ZDHHC2: variants seen among roughly 807,000 people sequenced by gnomAD.
ZDHHC2 encodes palmitoyltransferase ZDHHC2.
ZDHHC2 carries 51 observed loss-of-function variants against 55.6 expected under a neutral mutation model. The ratio of observed to expected loss-of-function variants is 0.92; its 90% CI spans 0.73 to 1.16. The LOEUF (loss-of-function observed/expected upper bound fraction) is 1.16. Among genes scored for constraint, ZDHHC2 ranks in the 50% most tolerant of loss-of-function variants. The pLI, the probability that ZDHHC2 is intolerant of heterozygous loss-of-function variation, is 0.00. For synonymous variants in ZDHHC2, 199 were observed against 152.9 expected, an observed-to-expected ratio of 1.30 and a Z score of -2.22; for missense variants, 491 against 442.4, an observed-to-expected ratio of 1.11 and a Z score of -0.99.
chr8:17,159,370 C>G (rs1032028255), intron 1 of ZDHHC2, among the ~76,000 whole-genome samples: 4 of 152,160 alleles, frequency 2.6e-5, no homozygotes, highest in African/African-American at 9.7e-5. Flanking sequence ...GGAACTGGAT[C>G]AGGTAGCAAA....
chr8:17,199,554 T>C (rs1806573329), intron 6 of ZDHHC2, among the ~76,000 whole-genome samples: 1 of 136,560 alleles, frequency 7.3e-6, no homozygotes, highest in African/African-American at 2.5e-5. Context: ...TCTGTCTTCG[T>C]CTTCGTCTTC....
chr8:17,171,638 G>A (rs1220910158), intron 1 of ZDHHC2, among the ~76,000 whole-genome samples: 1 of 152,018 alleles, frequency 6.6e-6, no homozygotes, highest in African/African-American at 2.4e-5. Flanking sequence ...TTTCTGTCGA[G>A]TAGAGCTGCT....
chr8:17,193,986 C>G (rs1337348070), intron 3 of ZDHHC2, among the ~76,000 whole-genome samples: 1 of 152,134 alleles, frequency 6.6e-6, no homozygotes, highest in Non-Finnish European at 1.5e-5. Context: ...TCTCACTGTT[C>G]CACTCCCACT....
intron 6 of ZDHHC2, among the ~76,000 whole-genome samples, chr8:17,203,808 T>G (rs1233443556): frequency 2.0e-5 from 2 of 100,958 alleles, no homozygotes; most frequent in Non-Finnish European, 4.3e-5. Flanking sequence ...TTCTTTTTTT[T>G]CTTTTTTTTT....
chr8:17,158,417 A>G (rs555024556), intron 1 of ZDHHC2, among the ~76,000 whole-genome samples: 1 of 152,324 alleles, frequency 6.6e-6, no homozygotes, highest in Non-Finnish European at 1.5e-5. Flanking sequence ...CTGTATTATC[A>G]CATTAAGCTA....
chr8:17,177,775 TTTG>T (rs1805222314), intron 1 of ZDHHC2, among the ~76,000 whole-genome samples: 1 of 149,908 alleles, frequency 6.7e-6, no homozygotes, highest in Non-Finnish European at 1.5e-5. Context: ...TGTGTGTGTG[TTTG>T]TGTGTGTGGG....
Position 17,222,587 on chromosome 8 carries a change from C to T in ZDHHC2, c.*2366C>T, listed in dbSNP as rs957451913. 1.3e-5 allele frequency: 2 copies of T among 151,628 alleles called. No individual in the cohort carries two copies. The highest frequency in any genetic ancestry group is 3.0e-5 in the Non-Finnish European group (2 of 67,738). The allele number at this position is 151,628 out of a possible 1,614,324, so 9.4% of individuals were successfully genotyped here. A position where few individuals can be genotyped will look rare whatever the true frequency, so the allele number is the denominator to read the frequency against. ...AAATAGTGTACCAATGCTTCATATA[C>T]GTTAGTTATTTGCTATTATGTAGGG... is the stretch of plus-strand genomic sequence containing the variant. On this transcript the variant is annotated 3_prime_UTR_variant, in exon 13 of 13. Coordinates refer to ENST00000262096, the MANE Select transcript of ZDHHC2 (RefSeq NM_016353.5).
intron 1 of ZDHHC2, among the ~76,000 whole-genome samples, chr8:17,179,179 T>C (rs1053807317): frequency 1.3e-5 from 2 of 152,162 alleles, no homozygotes; most frequent in Non-Finnish European, 2.9e-5. Flanking sequence ...CTCAAACTCC[T>C]GGCCTCAAAA....
intron 12 of ZDHHC2, among the ~76,000 whole-genome samples, chr8:17,217,953 C>G (rs1030714248): frequency 6.6e-6 from 1 of 152,188 alleles, no homozygotes; most frequent in African/African-American, 2.4e-5. Context: ...ATAACTCTCT[C>G]TTTACATAAC....
intron 6 of ZDHHC2, among the ~76,000 whole-genome samples, chr8:17,200,449 G>A (rs995761530): frequency 6.6e-6 from 1 of 152,166 alleles, no homozygotes; most frequent in African/African-American, 2.4e-5. Context: ...CTGGATAACT[G>A]TATACTCCAG....
intron 12 of ZDHHC2, 21 bp downstream of exon 12, chr8:17,217,267 T>C: frequency 6.6e-7 from 1 of 1,525,936 alleles, no homozygotes; most frequent in Non-Finnish European, 8.9e-7. Context: ...TTTCCCTTTA[T>C]TGTTTTATAT....
chr8:17,220,368 C>G lies in ZDHHC2; in HGVS notation c.*147C>G, dbSNP rs1414917688. On this transcript the variant is annotated 3_prime_UTR_variant, in exon 13 of 13. Coordinates refer to ENST00000262096, the MANE Select transcript of ZDHHC2 (RefSeq NM_016353.5). ...AGAATATGAATTGATTAGTTCTCTC[C>G]AAGCCATTGCTTAAAATATAACATG... is the stretch of plus-strand genomic sequence containing the variant. The G allele has an allele frequency of 6.6e-6, 1 of 151,924 alleles. No homozygotes were observed. The highest frequency in any genetic ancestry group is 1.5e-5 in the Non-Finnish European group (1 of 67,918). 9.4% of individuals were successfully genotyped at this position (151,924 alleles called of 1,614,324 possible). A position where few individuals can be genotyped will look rare whatever the true frequency, so the allele number is the denominator to read the frequency against.
intron 3 of ZDHHC2, 56 bp from the exon 4 acceptor site, chr8:17,195,448 C>G: frequency 1.3e-6 from 2 of 1,546,324 alleles, no homozygotes; most frequent in South Asian, 1.2e-5. Context: ...GTAGAGAAGA[C>G]CAATATGTTA....
chr8:17,219,325 T>C (rs1015870400), intron 12 of ZDHHC2, among the ~76,000 whole-genome samples: 3 of 131,560 alleles, frequency 2.3e-5, no homozygotes, highest in African/African-American at 5.9e-5. Flanking sequence ...TGAACTACAA[T>C]AGTAAATGAT....
At chr8:17,160,164 C>A (rs1478187624) in intron 1 of ZDHHC2, among the ~76,000 whole-genome samples, 1 of 152,142 alleles carries the variant, frequency 6.6e-6, no homozygotes, top group Non-Finnish European at 1.5e-5. Context: ...TGAAGTTTCC[C>A]CTTTTAAGTG....
At chr8:17,215,371 T>G in intron 11 of ZDHHC2, 22 bp downstream of exon 11, 1 of 1,542,070 alleles carries the variant, frequency 6.5e-7, no homozygotes, top group Non-Finnish European at 8.8e-7. Flanking sequence ...CTTGTTTGGC[T>G]GTTTTTTGAC....
intron 1 of ZDHHC2, among the ~76,000 whole-genome samples, chr8:17,168,291 C>T (rs1202318540): frequency 3.3e-5 from 5 of 152,306 alleles, no homozygotes; most frequent in African/African-American, 1.2e-4. Context: ...GCTAGGCATA[C>T]ACAGCTCAAC....
At chr8:17,167,304 C>CTTTTTT (rs371848954) in intron 1 of ZDHHC2, among the ~76,000 whole-genome samples, 1 of 108,774 alleles carries the variant, frequency 9.2e-6, no homozygotes, top group African/African-American at 3.5e-5. Context: ...TTTTTTTTAA[C>CTTTTTT]TTTTTTTTTT....
At chr8:17,173,551 C>G (rs552332342) in intron 1 of ZDHHC2, among the ~76,000 whole-genome samples, 1 of 151,746 alleles carries the variant, frequency 6.6e-6, no homozygotes, top group South Asian at 2.1e-4. Context: ...GGCATGGTGG[C>G]ACGCATCTGT....
Sources: allele counts gnomAD v4.1 joint callset (sites outside exome capture counted in the v4.1 genomes callset), GRCh38; gene constraint gnomAD v4.1.1; transcripts MANE v1.5; gene names NCBI Gene and HGNC (gene_info 2026-07-23, HGNC 2026-07-21).